The following ARHGAP32 variants were observed in gnomAD, a reference collection of about 807,000 sequenced individuals.
ARHGAP32 encodes the protein Rho GTPase activating protein 32.
ARHGAP32 carries 51 observed loss-of-function variants against 186.5 expected under a neutral mutation model. That is an observed-to-expected ratio of 0.27 (90% CI 0.22 to 0.35). ARHGAP32 has a LOEUF of 0.35. Ranked by LOEUF, ARHGAP32 falls within the 10% of genes least tolerant of loss-of-function variation. The probability of loss-of-function intolerance (pLI) is 1.00; values close to 1 mark genes in which losing one functional copy is unlikely to be tolerated. For missense variants in ARHGAP32, 2,186 were observed against 2,623.5 expected (o/e 0.83, Z 3.64); for synonymous variants, 950 against 964.3 (o/e 0.99, Z 0.27).
At chr11:129,208,202 T>C (rs1312681235) in intron 1 of ARHGAP32, among the ~76,000 whole-genome samples, 1 of 152,190 alleles carries the variant, frequency 6.6e-6, no homozygotes, top group Non-Finnish European at 1.5e-5. Flanking sequence ...TATCTTAGAA[T>C]GAATTCATCA....
chr11:129,010,312 C>T (rs1938012842), intron 11 of ARHGAP32, among the ~76,000 whole-genome samples: 1 of 152,100 alleles, frequency 6.6e-6, no homozygotes, highest in Admixed American at 6.5e-5. Flanking sequence ...TCCCATTGGT[C>T]AATTTTTGCT....
chr11:129,251,272 A>G (rs1250430632), intron 1 of ARHGAP32, among the ~76,000 whole-genome samples: 2 of 152,218 alleles, frequency 1.3e-5, no homozygotes, highest in African/African-American at 4.8e-5. Flanking sequence ...GATGTGCTCC[A>G]AAAACCTAGG....
rs199628311 is a variant in ARHGAP32 at position 128,986,500 on chromosome 11, G to T, written c.1443+24C>A. 51 of 1,612,244 alleles carry T rather than the reference G, an allele frequency of 3.2e-5. No individual in the cohort carries two copies. The East Asian group carries it at 1.1e-3, about 35-fold the overall frequency. On this transcript the variant is annotated intron_variant, in intron 14 of 22. Transcript: ENST00000682385. ...CACAGCAAAGTTCCACAAAGAATTA[G>T]ATTCAAAAGTAGCCTGTACTCACAG...
intron 2 of ARHGAP32, among the ~76,000 whole-genome samples, chr11:129,155,922 A>G (rs1373973539): frequency 6.6e-6 from 1 of 152,182 alleles, no homozygotes; most frequent in Non-Finnish European, 1.5e-5. Context: ...AGCCCATGGA[A>G]GGCGAGCCAA....
chr11:129,206,031 G>A (rs1375641514), intron 1 of ARHGAP32, among the ~76,000 whole-genome samples: 1 of 151,702 alleles, frequency 6.6e-6, no homozygotes, highest in Admixed American at 6.6e-5. Context: ...CCATCTGACT[G>A]GATTATATGT....
At chr11:129,248,084 G>A (rs12275628) in intron 1 of ARHGAP32, among the ~76,000 whole-genome samples, 45,722 of 151,528 alleles carry the variant, frequency 0.3, 7,191 homozygotes, top group Middle Eastern at 0.4. Context: ...AGGCCGAGGC[G>A]GGCAGATCAC....
intron 6 of ARHGAP32, among the ~76,000 whole-genome samples, chr11:129,071,084 G>A (rs897746179): frequency 1.3e-5 from 2 of 151,946 alleles, no homozygotes; most frequent in African/African-American, 4.8e-5. Flanking sequence ...AGGCCTTTGA[G>A]AGCTGTAACA....
chr11:128,977,181 G>A (rs1406941970), intron 19 of ARHGAP32, among the ~76,000 whole-genome samples: 4 of 152,156 alleles, frequency 2.6e-5, no homozygotes, highest in Non-Finnish European at 4.4e-5. Flanking sequence ...TTCAGACTTT[G>A]AGCTTCTAGA....
At chr11:128,993,309 AATTTTAGT>A (rs1946113022) in intron 12 of ARHGAP32, 1 of 152,154 alleles carries the variant, frequency 6.6e-6, no homozygotes, top group Non-Finnish European at 1.5e-5. Flanking sequence ...GTATTGTTCA[AATTTTAGT>A]ATATGTGCTG....
At chr11:129,208,409 G>A (rs1944542161) in intron 1 of ARHGAP32, among the ~76,000 whole-genome samples, 1 of 152,148 alleles carries the variant, frequency 6.6e-6, no homozygotes. Flanking sequence ...TCCAAGTAAT[G>A]TAGTTTTGTC....
At chr11:129,083,025 T>C (rs1285138585) in intron 6 of ARHGAP32, among the ~76,000 whole-genome samples, 1 of 152,042 alleles carries the variant, frequency 6.6e-6, no homozygotes, top group Non-Finnish European at 1.5e-5. Context: ...ATCAGGGAAA[T>C]GCACATCAAA....
In ARHGAP32 at chr11:129,041,494, A is replaced by T. The variant is rs867860125; in HGVS notation, c.964-485T>A. On this transcript the variant is annotated intron_variant, in intron 10 of 22. Transcript: ENST00000682385. ...TCTTCACTCTCTCCCAGGTTTCATA[A>T]AAAAAAAAAAAAAAAGACATGACTA... is the stretch of plus-strand genomic sequence containing the variant. Among the ~76,000 whole-genome samples, 63 of 20,540 alleles carry T rather than the reference A, an allele frequency of 3.1e-3. No homozygotes were observed. In the Middle Eastern group the frequency reaches 0.12, roughly 38 times the overall value. 13.5% of individuals were successfully genotyped at this position (20,540 alleles called of 152,430 possible). A position where few individuals can be genotyped will look rare whatever the true frequency, so the allele number is the denominator to read the frequency against.
chr11:129,214,903 G>C (rs188374260), intron 1 of ARHGAP32, among the ~76,000 whole-genome samples: 352 of 152,228 alleles, frequency 2.3e-3, no homozygotes, highest in African/African-American at 8.3e-3. Context: ...CAAATGCATG[G>C]GCATGGCTGT....
intron 1 of ARHGAP32, among the ~76,000 whole-genome samples, chr11:129,271,470 G>A (rs1249128150): frequency 2.0e-5 from 3 of 152,048 alleles, no homozygotes; most frequent in African/African-American, 7.2e-5. Context: ...GGTAGAGGAA[G>A]AAGTCACCAA....
At chr11:129,082,245 A>G (rs957100877) in intron 6 of ARHGAP32, among the ~76,000 whole-genome samples, 2 of 152,222 alleles carry the variant, frequency 1.3e-5, no homozygotes, top group African/African-American at 4.8e-5. Flanking sequence ...ACAGAACTAG[A>G]AAAAACAATC....
chr11:129,064,555 A>G (rs1940623241), intron 8 of ARHGAP32, among the ~76,000 whole-genome samples: 1 of 152,178 alleles, frequency 6.6e-6, no homozygotes, highest in Non-Finnish European at 1.5e-5. Flanking sequence ...GTCAACTAAA[A>G]AAATGTACAC....
chr11:129,169,502 G>T (rs1201116541), intron 1 of ARHGAP32, among the ~76,000 whole-genome samples: 2 of 151,834 alleles, frequency 1.3e-5, no homozygotes, highest in Non-Finnish European at 2.9e-5. Flanking sequence ...GTGGTGGCGG[G>T]CGCCTATAGT....
At chr11:129,169,631 C>CAAAAA (rs35715241) in intron 1 of ARHGAP32, among the ~76,000 whole-genome samples, 3 of 75,150 alleles carry the variant, frequency 4.0e-5, no homozygotes, top group Non-Finnish European at 7.3e-5. Flanking sequence ...GACTCTGTCT[C>CAAAAA]AAAAAAAAAA....
At chr11:129,030,263 T>C (rs1215195817) in intron 11 of ARHGAP32, among the ~76,000 whole-genome samples, 1 of 152,060 alleles carries the variant, frequency 6.6e-6, no homozygotes, top group Non-Finnish European at 1.5e-5. Flanking sequence ...TAAAGTGACA[T>C]GCAAAGAAAC....
Sources: gnomAD v4.1 joint callset for allele counts (sites outside exome capture counted in the v4.1 genomes callset) on GRCh38, gnomAD v4.1.1 for gene constraint, MANE v1.5 for transcripts, NCBI Gene and HGNC (gene_info 2026-07-23, HGNC 2026-07-21) for gene names.